KDM7A: variants seen among roughly 807,000 people sequenced by gnomAD.
KDM7A encodes the protein lysine-specific demethylase 7A.
Under a neutral mutation model 114.8 loss-of-function variants are expected in KDM7A, and 28 were observed. That is an observed-to-expected ratio of 0.24 (90% CI 0.18 to 0.33). KDM7A has a LOEUF of 0.33. Ranked by LOEUF, KDM7A falls within the 10% of genes least tolerant of loss-of-function variation. The pLI, the probability that KDM7A is intolerant of heterozygous loss-of-function variation, is 1.00. For missense variants in KDM7A, 942 were observed against 1,142.5 expected, an observed-to-expected ratio of 0.82 and a Z score of 2.53; for synonymous variants, 423 against 397.8, an observed-to-expected ratio of 1.06 and a Z score of -0.75.
At chr7:140,151,387 A>G (rs1220306152) in intron 1 of KDM7A, among the ~76,000 whole-genome samples, 1 of 152,202 alleles carries the variant, frequency 6.6e-6, no homozygotes, top group African/African-American at 2.4e-5. Context: ...TTCTCACACA[A>G]TATTTACTGA....
rs141030662 is a variant in KDM7A, at chr7:140,164,268, G to A, written c.194+12476C>T. Reference sequence around the variant, plus strand: ...TGTGCAACAAAGAGTTTGCAAGGACGGGGGGAGGGTTAAAGACCTGAAAGA... The same window carrying A: ...TGTGCAACAAAGAGTTTGCAAGGACAGGGGGAGGGTTAAAGACCTGAAAGA... On this transcript the variant is annotated intron_variant, in intron 1 of 19. Coordinates refer to ENST00000397560, the MANE Select transcript of KDM7A (RefSeq NM_030647.2). Among the ~76,000 whole-genome samples, 8 of 152,188 alleles carry A rather than the reference G, an allele frequency of 5.3e-5. 1 individual carries two copies. The highest frequency in any genetic ancestry group is 2.6e-4 in the Admixed American group (4 of 15,280).
intron 9 of KDM7A, 61 bp downstream of exon 9, chr7:140,119,050 CTA>C: frequency 1.1e-6 from 1 of 904,114 alleles, no homozygotes; most frequent in Non-Finnish European, 1.8e-6. Context: ...TGTCAGGTGG[CTA>C]TGAGTGAATT....
chr7:140,093,919 T>C (rs1033477427), intron 18 of KDM7A, 137 bp downstream of exon 18: 14 of 670,350 alleles, frequency 2.1e-5, no homozygotes, highest in Admixed American at 1.5e-4. Flanking sequence ...GTTGTTCAAA[T>C]GTGCATTTAA....
chr7:140,130,886 C>T (rs1366838553), intron 3 of KDM7A, among the ~76,000 whole-genome samples: 4 of 117,662 alleles, frequency 3.4e-5, no homozygotes, highest in African/African-American at 1.4e-4. Context: ...CAGAGTCTTG[C>T]TCTGTCGCCC....
intron 11 of KDM7A, among the ~76,000 whole-genome samples, chr7:140,103,352 T>C (rs561684843): frequency 1.8e-4 from 28 of 152,190 alleles, no homozygotes; most frequent in African/African-American, 6.0e-4. Flanking sequence ...CTAGGGTACA[T>C]GTGCACAACG....
At chr7:140,158,428 A>G (rs1794482690) in intron 1 of KDM7A, among the ~76,000 whole-genome samples, 1 of 152,176 alleles carries the variant, frequency 6.6e-6, no homozygotes, top group Non-Finnish European at 1.5e-5. Context: ...AGCATCAAGG[A>G]TGACTCTAAA....
Position 140,089,698 on chromosome 7 carries a change from T to C in KDM7A, c.*1396A>G, listed in dbSNP as rs1817989504. Reference sequence around the variant, plus strand: ...TACTATAAGCAAATGAAAACTGGCATTTAGTAAAAATCATACATAAAGGAG... The same window carrying C: ...TACTATAAGCAAATGAAAACTGGCACTTAGTAAAAATCATACATAAAGGAG... On this transcript the variant is annotated 3_prime_UTR_variant, in exon 20 of 20. Transcript: ENST00000397560. 1 of 152,118 alleles carries C rather than the reference T, an allele frequency of 6.6e-6. No homozygotes were observed. Among genetic ancestry groups the C allele is most frequent in the Non-Finnish European group, 1.5e-5 (1 of 68,016 alleles). 9.4% of individuals were successfully genotyped at this position (152,118 alleles called of 1,614,324 possible).
At chr7:140,160,243 G>A (rs1301392180) in intron 1 of KDM7A, among the ~76,000 whole-genome samples, 4 of 152,082 alleles carry the variant, frequency 2.6e-5, no homozygotes, top group African/African-American at 4.8e-5. Flanking sequence ...CTGTGATAGA[G>A]GCCAATGAAA....
At chr7:140,111,944 C>CA (rs11327222) in intron 10 of KDM7A, among the ~76,000 whole-genome samples, 2,348 of 100,364 alleles carry the variant, frequency 0.023, 70 homozygotes, top group African/African-American at 0.073. Flanking sequence ...GACTCTGTCT[C>CA]AAAAAAAAAA....
chr7:140,092,467 A>G (rs536505361), intron 18 of KDM7A, among the ~76,000 whole-genome samples: 2 of 152,244 alleles, frequency 1.3e-5, no homozygotes, highest in African/African-American at 2.4e-5. Flanking sequence ...TCTTTTCTAG[A>G]GTCTATCTTC....
At chr7:140,172,241 GTCT>G (rs1794653270) in intron 1 of KDM7A, among the ~76,000 whole-genome samples, 1 of 152,088 alleles carries the variant, frequency 6.6e-6, no homozygotes, top group Non-Finnish European at 1.5e-5. Flanking sequence ...TACATGCCAG[GTCT>G]TCTTCTAAGT....
chr7:140,160,911 C>T (rs1349417219), intron 1 of KDM7A, among the ~76,000 whole-genome samples: 1 of 152,088 alleles, frequency 6.6e-6, no homozygotes, highest in Non-Finnish European at 1.5e-5. Flanking sequence ...GAAGGGACTG[C>T]GTTCACCCAG....
At chr7:140,133,693 T>A in intron 2 of KDM7A, 37 bp from the exon 3 acceptor site, 1 of 1,098,260 alleles carries the variant, frequency 9.1e-7, no homozygotes, top group Non-Finnish European at 1.4e-6. Flanking sequence ...ATGATTTTGG[T>A]AACTGGTGAT....
intron 6 of KDM7A, among the ~76,000 whole-genome samples, 154 bp from the exon 7 acceptor site, chr7:140,124,937 T>C (rs1212646456): frequency 1.3e-5 from 2 of 152,154 alleles, no homozygotes; most frequent in Non-Finnish European, 2.9e-5. Flanking sequence ...ACCTGATCAG[T>C]AGCTATTGCC....
chr7:140,108,639 C>A (rs1209106300), intron 11 of KDM7A, among the ~76,000 whole-genome samples: 1 of 152,160 alleles, frequency 6.6e-6, no homozygotes, highest in Non-Finnish European at 1.5e-5. Context: ...GAAGCTTCGT[C>A]TCAGAGGGGC....
chr7:140,174,743 G>C (rs184034861), intron 1 of KDM7A, among the ~76,000 whole-genome samples: 101 of 152,238 alleles, frequency 6.6e-4, no homozygotes, highest in African/African-American at 2.1e-3. Flanking sequence ...TAGGGTTACA[G>C]ACATGCACCA....
At chr7:140,142,473 A>G (rs1488287731) in intron 1 of KDM7A, among the ~76,000 whole-genome samples, 1 of 152,156 alleles carries the variant, frequency 6.6e-6, no homozygotes, top group Admixed American at 6.5e-5. Context: ...TAGGCACATC[A>G]TAAAAGGAAC....
intron 1 of KDM7A, among the ~76,000 whole-genome samples, chr7:140,171,488 A>C (rs1006967673): frequency 2.2e-5 from 3 of 137,240 alleles, no homozygotes; most frequent in Non-Finnish European, 4.7e-5. Flanking sequence ...ATTTATATTT[A>C]TATTTATATA....
At position 140,176,959 on chromosome 7, in the gene KDM7A, T is replaced by G; in HGVS notation, c.-22A>C. On this transcript the variant is annotated 5_prime_UTR_variant, in exon 1 of 20. Transcript: ENST00000397560. This position sits in a 1 kb window ranked among gnomAD's most constrained non-coding sequence, Gnocchi z 4.4. ...CCATCTTTAAAAAACACACACACGC[T>G]CGCTCGCTACTCCGCTCGCCGACTG... 1 of 1,116,110 alleles carries G rather than the reference T, an allele frequency of 9.0e-7. No homozygotes were observed. Among genetic ancestry groups the G allele is most frequent in the Non-Finnish European group, 1.1e-6 (1 of 913,328 alleles). The allele number at this position is 1,116,110 out of a possible 1,614,324, so 69.1% of individuals were successfully genotyped here.
Sources: allele counts gnomAD v4.1 joint callset (sites outside exome capture counted in the v4.1 genomes callset), GRCh38; gene constraint gnomAD v4.1.1; non-coding constraint Gnocchi (gnomAD v3.1); transcripts MANE v1.5; gene names NCBI Gene and HGNC (gene_info 2026-07-23, HGNC 2026-07-21).